KLF7: variants seen among roughly 807,000 people sequenced by gnomAD.
KLF7 encodes Krueppel-like factor 7.
In KLF7, 2 loss-of-function variants were observed where a neutral mutation model predicts 27.3. That is an observed-to-expected ratio of 0.07 (90% CI 0.03 to 0.23). KLF7 has a LOEUF of 0.23. Among genes scored for constraint, KLF7 ranks in the 10% least tolerant of loss-of-function variants. The pLI is 1.00. For missense variants in KLF7, 221 were observed against 394.1 expected (o/e 0.56, Z 3.72); for synonymous variants, 165 against 162.4 (o/e 1.02, Z -0.12).
intron 2 of KLF7, among the ~76,000 whole-genome samples, chr2:207,119,278 C>A (rs182851640): frequency 6.6e-6 from 1 of 152,112 alleles, no homozygotes; most frequent in Non-Finnish European, 1.5e-5. Context: ...TAAATGTGGA[C>A]GTACCTTTAT....
intron 2 of KLF7, among the ~76,000 whole-genome samples, chr2:207,120,347 T>G (rs2254807): frequency 0.34 from 51,587 of 152,038 alleles, 8,885 homozygotes; most frequent in Middle Eastern, 0.36. Flanking sequence ...AATTCTTCAA[T>G]GCAAGCAAAT....
At chr2:207,121,995 T>G (rs2077353153) in intron 2 of KLF7, 1 of 152,308 alleles carries the variant, frequency 6.6e-6, no homozygotes, top group South Asian at 2.1e-4. Context: ...CTTGCCCTTT[T>G]CTGCCTTCTC....
At chr2:207,152,460 C>T (rs1335408182) in intron 1 of KLF7, among the ~76,000 whole-genome samples, 1 of 152,146 alleles carries the variant, frequency 6.6e-6, no homozygotes, top group African/African-American at 2.4e-5. Flanking sequence ...GACCAAGAGG[C>T]TGCATGCTCA....
upstream of KLF7, among the ~76,000 whole-genome samples, chr2:207,171,270 A>C (rs2078782325): frequency 6.6e-6 from 1 of 152,036 alleles, no homozygotes; most frequent in Non-Finnish European, 1.5e-5. Flanking sequence ...GATAAAAATT[A>C]CATGAATGAG....
intron 1 of KLF7, among the ~76,000 whole-genome samples, chr2:207,138,846 C>T (rs2077859519): frequency 6.6e-6 from 1 of 152,224 alleles, no homozygotes; most frequent in South Asian, 2.1e-4. Flanking sequence ...AGCAGAGCTG[C>T]TGCCTTAAAT....
At chr2:207,122,791 T>C (rs1485372973) in intron 2 of KLF7, among the ~76,000 whole-genome samples, 4 of 152,148 alleles carry the variant, frequency 2.6e-5, no homozygotes, top group Non-Finnish European at 5.9e-5. Flanking sequence ...ACTTACACCT[T>C]TGGGGATTTT....
intron 1 of KLF7, among the ~76,000 whole-genome samples, chr2:207,138,739 A>C (rs1459486391): frequency 6.6e-6 from 1 of 152,210 alleles, no homozygotes; most frequent in Non-Finnish European, 1.5e-5. Flanking sequence ...CTACATCATT[A>C]ATTAACCTGA....
chr2:207,172,361 G>A, the KLF7 span, among the ~76,000 whole-genome samples: 6 of 152,230 alleles, frequency 3.9e-5, no homozygotes, highest in African/African-American at 1.4e-4. Flanking sequence ...CAACACGACT[G>A]TTCATCCTTT....
intron 1 of KLF7, among the ~76,000 whole-genome samples, chr2:207,151,338 G>A (rs532766564): frequency 2.7e-4 from 41 of 152,058 alleles, no homozygotes; most frequent in African/African-American, 9.9e-4. Context: ...TCCAATACTG[G>A]CTTGGGCTTA....
Position 207,079,070 on chromosome 2 carries a change from TTTTTTTG to T in KLF7, c.*2136_*2142del, listed in dbSNP as rs1276683465. On this transcript the variant is annotated 3_prime_UTR_variant, in exon 4 of 4. Coordinates refer to ENST00000309446, the MANE Select transcript of KLF7 (RefSeq NM_003709.4). ...TTTTCGTTTTGTATTATTTTGTTTTTTTTTTTGTTTTTGTTTTTGTTTTTTTTGGTCT... is the reference window on the plus strand; with the variant it reads ...TTTTCGTTTTGTATTATTTTGTTTTTTTTTTGTTTTTGTTTTTTTTGGTCT... 29 of 152,024 alleles carry T rather than the reference TTTTTTTG, an allele frequency of 1.9e-4. No individual in the cohort carries two copies. The highest frequency in any genetic ancestry group is 6.0e-4 in the African/African-American group (25 of 41,444). 9.4% of individuals were successfully genotyped at this position (152,024 alleles called of 1,614,324 possible). A position where few individuals can be genotyped will look rare whatever the true frequency, so the allele number is the denominator to read the frequency against.
At chr2:207,162,395 CCA>C (rs1296822172) in intron 1 of KLF7, among the ~76,000 whole-genome samples, 3 of 152,298 alleles carry the variant, frequency 2.0e-5, no homozygotes, top group African/African-American at 7.2e-5. Context: ...AAATAATAGA[CCA>C]CATAAGCACA....
Position 207,165,479 on chromosome 2 carries a change from C to A in KLF7, c.90G>T (p.Glu30Asp). The A allele has an allele frequency of 6.2e-7, 1 of 1,614,196 alleles. No homozygotes were observed. The highest frequency in any genetic ancestry group is 8.5e-7 in the Non-Finnish European group (1 of 1,180,032). ...TTAAATCATTCACCTGCTGCCAGGT[C>A]TCCTCCAGGGATGGTAAAGCTGAGA... ...GYFSALPSLEETWQQTCLELE... is the reference protein window; with the variant it reads ...GYFSALPSLEDTWQQTCLELE... Residue 30 changes from glutamate (E) to aspartate (D), a missense_variant, in exon 1 of 4, where the codon GAG becomes GAT. Around this residue, in one of 3 missense-constraint regions of KLF7, gnomAD observed 11 missense variants for 50.8 expected, o/e 0.22. Transcript: ENST00000309446.
chr2:207,089,373 C>A (rs1031586299), intron 2 of KLF7, among the ~76,000 whole-genome samples: 1 of 152,200 alleles, frequency 6.6e-6, no homozygotes, highest in African/African-American at 2.4e-5. Context: ...AATTCAAACA[C>A]TTGTGCTCAA....
In KLF7 at chr2:207,165,705, A is replaced by G; in HGVS notation, c.-137T>C. The stretch of plus-strand genomic sequence containing the variant: ...CCTTTTGTTTTGTTTTGTTTCAGTC[A>G]ACTAAAAAGGAAAAAAAAAAATCAA... On this transcript the variant is annotated 5_prime_UTR_variant, in exon 1 of 4. Transcript: ENST00000309446. The G allele has an allele frequency of 6.8e-7, 1 of 1,480,236 alleles. No individual in the cohort carries two copies. The highest frequency in any genetic ancestry group is 2.4e-5 in the East Asian group (1 of 42,382). 91.7% of individuals were successfully genotyped at this position (1,480,236 alleles called of 1,614,324 possible).
At chr2:207,097,584 TG>T (rs1418077698) in intron 2 of KLF7, among the ~76,000 whole-genome samples, 1 of 152,186 alleles carries the variant, frequency 6.6e-6, no homozygotes, top group African/African-American at 2.4e-5. Context: ...AGAAATCCTT[TG>T]GGGTCATGTG....
intron 1 of KLF7, among the ~76,000 whole-genome samples, chr2:207,127,914 C>T (rs1340901447): frequency 1.3e-5 from 2 of 152,086 alleles, no homozygotes; most frequent in Non-Finnish European, 2.9e-5. Flanking sequence ...TTAATATACA[C>T]ACACATACAT....
chr2:207,122,777 T>C (rs565541726), intron 2 of KLF7, among the ~76,000 whole-genome samples: 7 of 152,296 alleles, frequency 4.6e-5, no homozygotes, highest in South Asian at 2.1e-4. Context: ...GCTTTTATAC[T>C]TCCACTTACA....
intron 2 of KLF7, among the ~76,000 whole-genome samples, chr2:207,119,038 C>T (rs1454445122): frequency 6.6e-6 from 1 of 152,314 alleles, no homozygotes; most frequent in Admixed American, 6.5e-5. Flanking sequence ...ACTTGTATTA[C>T]TTTTCCACCT....
At chr2:207,127,184 A>G (rs2077503229) in intron 1 of KLF7, among the ~76,000 whole-genome samples, 2 of 152,160 alleles carry the variant, frequency 1.3e-5, no homozygotes, top group African/African-American at 4.8e-5. Flanking sequence ...ATGTGGAAAA[A>G]TCTGGACCAT....
Sources: gnomAD v4.1 joint callset for allele counts (sites outside exome capture counted in the v4.1 genomes callset) on GRCh38, gnomAD v4.1.1 for gene constraint, gnomAD v4.1.1 regional missense constraint, MANE v1.5 for transcripts, NCBI Gene and HGNC (gene_info 2026-07-23, HGNC 2026-07-21) for gene names.